The following ANK2 variants were observed in gnomAD, a reference collection of about 807,000 sequenced individuals.
ANK2 encodes ankyrin 2.
ANK2 carries 83 observed loss-of-function variants against 360.5 expected under a neutral mutation model. The observed-to-expected ratio is 0.23, with a 90% CI of 0.19 to 0.28. The LOEUF (loss-of-function observed/expected upper bound fraction) is 0.28, where lower values mean the gene tolerates loss of function less well. ANK2 is among the 10% of genes least tolerant of loss of function. The probability of loss-of-function intolerance (pLI) is 1.00; values close to 1 mark genes in which losing one functional copy is unlikely to be tolerated. For missense variants in ANK2, 4,201 were observed against 4,795.7 expected (o/e 0.88, Z 3.66); for synonymous variants, 1,740 against 1,759.5 (o/e 0.99, Z 0.28).
At chr4:112,861,749 G>A (rs1304053083) in intron 1 of ANK2, among the ~76,000 whole-genome samples, 1 of 151,970 alleles carries the variant, frequency 6.6e-6, no homozygotes, top group Non-Finnish European at 1.5e-5. Context: ...CACTTTCAGT[G>A]TGACAATGTT....
At chr4:112,834,961 C>T (rs1203449719) in intron 1 of ANK2, among the ~76,000 whole-genome samples, 2 of 152,228 alleles carry the variant, frequency 1.3e-5, no homozygotes, top group Middle Eastern at 3.4e-3. Context: ...ATATTTGAGT[C>T]TTGATTAGAT....
chr4:113,123,718 G>A (rs1193558736), intron 1 of ANK2, among the ~76,000 whole-genome samples: 1 of 152,130 alleles, frequency 6.6e-6, no homozygotes, highest in Non-Finnish European at 1.5e-5. Flanking sequence ...AGGGAAAAGA[G>A]ACCATAATCC....
At chr4:112,927,423 A>G (rs1276223162) in intron 2 of ANK2, among the ~76,000 whole-genome samples, 1 of 152,150 alleles carries the variant, frequency 6.6e-6, no homozygotes, top group Non-Finnish European at 1.5e-5. Flanking sequence ...ATATTTCTAT[A>G]TCTGTTGCTC....
At chr4:113,020,152 A>C (rs1338179098) in intron 2 of ANK2, among the ~76,000 whole-genome samples, 1 of 152,134 alleles carries the variant, frequency 6.6e-6, no homozygotes, top group Non-Finnish European at 1.5e-5. Context: ...AGAAGATTCT[A>C]TACTTTTACT....
intron 1 of ANK2, among the ~76,000 whole-genome samples, chr4:113,054,059 G>T (rs2068406656): frequency 6.6e-6 from 1 of 152,160 alleles, no homozygotes; most frequent in Admixed American, 6.5e-5. Context: ...AAATGGGAAT[G>T]CCCAAGCATC....
At chr4:113,309,033 T>A (rs1414923331) in intron 23 of ANK2, among the ~76,000 whole-genome samples, 2 of 152,254 alleles carry the variant, frequency 1.3e-5, no homozygotes, top group African/African-American at 4.8e-5. Flanking sequence ...TTTCCAGTTA[T>A]AGACCAACCT....
chr4:113,249,646 T>G (rs2045033080), intron 9 of ANK2, 118 bp from the exon 10 acceptor site: 1 of 902,922 alleles, frequency 1.1e-6, no homozygotes, highest in African/African-American at 1.6e-5. Flanking sequence ...GCAGTTCTAT[T>G]ACTTATTTAT....
the ANK2 span, among the ~76,000 whole-genome samples, chr4:112,793,437 AAAT>A: frequency 6.6e-6 from 1 of 152,168 alleles, no homozygotes; most frequent in East Asian, 1.9e-4. Flanking sequence ...ATTAGTTATC[AAAT>A]AATAATTTAG....
intron 2 of ANK2, among the ~76,000 whole-genome samples, chr4:113,033,561 A>G (rs2060894732): frequency 6.6e-6 from 1 of 151,876 alleles, no homozygotes; most frequent in Admixed American, 6.6e-5. Context: ...AAAGAGATTT[A>G]TTTCTCTTAT....
rs971456056 is a variant in ANK2 at position 113,318,563 on chromosome 4, G to A, written c.2843G>A (p.Ser948Asn). The A allele has an allele frequency of 2.5e-6, 4 of 1,613,710 alleles. No individual in the cohort carries two copies. The African/African-American group carries it at 5.3e-5, about 22-fold the overall frequency. The change falls in exon 26 of 46, where the codon AGC (serine) becomes AAC (asparagine). Residue 948 changes from serine (S) to asparagine (N), a missense_variant. Physicochemically the swap from Ser to Asn is conservative, Grantham distance 46. This residue lies in a region of ANK2 where 1,268 missense variants were observed against 1,650.8 expected (regional missense o/e 0.77). Transcript: ENST00000357077. ...KEAERNSYRL[S>N]WGTENLDNVA... Reference sequence around the variant, plus strand: ...GCAGAAAGGAATTCTTATCGCCTAAGCTGGGGCACTGAGAACTTAGACAAC... The same window carrying A: ...GCAGAAAGGAATTCTTATCGCCTAAACTGGGGCACTGAGAACTTAGACAAC...
intron 2 of ANK2, among the ~76,000 whole-genome samples, chr4:113,039,447 A>T (rs2062401368): frequency 6.6e-6 from 1 of 152,032 alleles, no homozygotes; most frequent in Admixed American, 6.6e-5. Context: ...CAATAACAAC[A>T]AAAAATCGTT....
At chr4:113,178,444 C>T (rs540479445) in intron 2 of ANK2, among the ~76,000 whole-genome samples, 1 of 151,708 alleles carries the variant, frequency 6.6e-6, no homozygotes, top group South Asian at 2.1e-4. Flanking sequence ...TGGCAGCAGG[C>T]GCCTGTAATT....
the ANK2 span, among the ~76,000 whole-genome samples, chr4:112,758,627 C>G: frequency 0.21 from 31,727 of 151,964 alleles, 3,467 homozygotes; most frequent in Middle Eastern, 0.25. Context: ...GTTGGCCAGC[C>G]TGGTCTTGAA....
chr4:112,862,101 G>A (rs1444898815), intron 1 of ANK2, among the ~76,000 whole-genome samples: 2 of 152,116 alleles, frequency 1.3e-5, no homozygotes, highest in African/African-American at 4.8e-5. Context: ...GGGTGGTTGT[G>A]AAAATGAAAG....
intron 2 of ANK2, among the ~76,000 whole-genome samples, chr4:112,907,538 C>T (rs898193818): frequency 4.6e-5 from 7 of 152,156 alleles, no homozygotes; most frequent in Non-Finnish European, 1.0e-4. Context: ...CCTGAGACAT[C>T]CTCATTGAAT....
chr4:112,864,110 A>G (rs1375022097), intron 1 of ANK2, among the ~76,000 whole-genome samples: 1 of 152,196 alleles, frequency 6.6e-6, no homozygotes, highest in Non-Finnish European at 1.5e-5. Context: ...AAGAGCCAAA[A>G]ATTTTTTGTA....
At chr4:112,801,165 A>G in the ANK2 span, among the ~76,000 whole-genome samples, 19 of 152,140 alleles carry the variant, frequency 1.2e-4, 1 homozygote, top group South Asian at 2.3e-3. Flanking sequence ...TTTCCTTCCT[A>G]TAGAGGTGGG....
intron 2 of ANK2, among the ~76,000 whole-genome samples, chr4:112,946,001 G>T (rs543849024): frequency 1.3e-4 from 20 of 152,156 alleles, no homozygotes; most frequent in Non-Finnish European, 2.8e-4. Context: ...GAGTCAGCTG[G>T]ACCCAGGAGA....
chr4:112,740,995 AT>A, the ANK2 span, among the ~76,000 whole-genome samples: 538 of 140,868 alleles, frequency 3.8e-3, no homozygotes, highest in East Asian at 4.3e-3. Flanking sequence ...TCTCAAAAAA[AT>A]TTTTTTTTTT....
Sources: allele counts gnomAD v4.1 joint callset (sites outside exome capture counted in the v4.1 genomes callset), GRCh38; gene constraint gnomAD v4.1.1; regional missense constraint gnomAD v4.1.1; transcripts MANE v1.5; gene names NCBI Gene and HGNC (gene_info 2026-07-23, HGNC 2026-07-21).